MLYCD: variants seen among roughly 807,000 people sequenced by gnomAD.
MLYCD encodes the protein malonyl-CoA decarboxylase, mitochondrial.
In MLYCD, 27 loss-of-function variants were observed where a neutral mutation model predicts 35.8. The observed-to-expected ratio is 0.75, with a 90% CI of 0.56 to 1.04. MLYCD has a LOEUF of 1.04. Among genes scored for constraint, MLYCD ranks in the 50% least tolerant of loss-of-function variants. The probability of loss-of-function intolerance (pLI) is 0.00; values close to 1 mark genes in which losing one functional copy is unlikely to be tolerated. For missense variants in MLYCD, 917 were observed against 665.1 expected (o/e 1.38, Z -4.17); for synonymous variants, 403 against 302.4 (o/e 1.33, Z -3.45).
Position 83,899,207 on chromosome 16 carries a change from GC to G in MLYCD, c.65del (p.Pro22ArgfsTer51). On this transcript the variant is annotated frameshift_variant, in exon 1 of 5. Transcript: ENST00000262430. LOFTEE classifies it high-confidence loss of function. ...RLLPLRLPPR[P>X]PGPRLASGQA... is the part of the protein sequence containing the mutation. ...TCCTCCCGCTGCGGTTGCCCCCGCG[GC>G]CGCCCGGGCCCCGGCTGGCGAGCGG... is the stretch of plus-strand genomic sequence containing the variant. The G allele has an allele frequency of 8.4e-7, 1 of 1,189,392 alleles. No homozygotes were observed. The highest frequency in any genetic ancestry group is 1.0e-6 in the Non-Finnish European group (1 of 964,628). The allele number at this position is 1,189,392 out of a possible 1,614,324, so 73.7% of individuals were successfully genotyped here.
chr16:83,912,936 C>T lies in MLYCD; in HGVS notation c.948+569C>T, dbSNP rs55782355. ...GCTGCCCTGTGAAAAACATATTAAC[C>T]ATCCTACATCAGAAATGTTGATGTT... On this transcript the variant is annotated intron_variant, in intron 4 of 4. Transcript: ENST00000262430. The T allele has an allele frequency of 9.2e-3, 1,625 of 176,930 alleles. 8 individuals are homozygous for T. The highest frequency in any genetic ancestry group is 0.016 in the Non-Finnish European group (1,296 of 81,290). 11.0% of individuals were successfully genotyped at this position (176,930 alleles called of 1,614,324 possible). A position where few individuals can be genotyped will look rare whatever the true frequency, so the allele number is the denominator to read the frequency against.
intron 1 of MLYCD, among the ~76,000 whole-genome samples, chr16:83,901,981 T>C (rs1008500526): frequency 2.0e-5 from 3 of 151,982 alleles, no homozygotes; most frequent in Admixed American, 6.6e-5. Context: ...TGTGATTGCT[T>C]TATTGTGCCC....
At chr16:83,901,557 G>C (rs1375641502) in intron 1 of MLYCD, among the ~76,000 whole-genome samples, 1 of 152,162 alleles carries the variant, frequency 6.6e-6, no homozygotes, top group Non-Finnish European at 1.5e-5. Flanking sequence ...CAGACATTTG[G>C]ACAGCTTTGT....
At chr16:83,900,705 T>C (rs1906755436) in intron 1 of MLYCD, among the ~76,000 whole-genome samples, 1 of 149,266 alleles carries the variant, frequency 6.7e-6, no homozygotes, top group African/African-American at 2.5e-5. Context: ...CATTCAGAAG[T>C]TTGTTATGTG....
chr16:83,915,427 A>T lies in MLYCD; in HGVS notation c.1420A>T (p.Ile474Phe). The change falls in exon 5 of 5, where the codon ATC becomes TTC. Residue 474 changes from isoleucine (I) to phenylalanine (F), a missense_variant. Transcript: ENST00000262430. ...CACCTCCTACCTCGGCTCCAAGATC[A>T]TCAAAGCCTCTGAGCAGGTCCTCAG... ...NSTSYLGSKI[I>F]KASEQVLSLV... 1 of 1,613,700 alleles carries T rather than the reference A, an allele frequency of 6.2e-7. No homozygotes were observed. The highest frequency in any genetic ancestry group is 8.5e-7 in the Non-Finnish European group (1 of 1,180,038).
In MLYCD at chr16:83,899,198, G is replaced by GC; in HGVS notation, c.59dup (p.Arg21AlafsTer187). On this transcript the variant is annotated frameshift_variant, in exon 1 of 5. Transcript: ENST00000262430. LOFTEE classifies it high-confidence loss of function. Reference sequence around the variant, plus strand: ...CCAGGCGTCTCCTCCCGCTGCGGTTGCCCCCGCGGCCGCCCGGGCCCCGGC... The same window carrying GC: ...CCAGGCGTCTCCTCCCGCTGCGGTTGCCCCCCGCGGCCGCCCGGGCCCCGGC... The GC allele has an allele frequency of 4.2e-6, 5 of 1,176,898 alleles. No homozygotes were observed. Among genetic ancestry groups the GC allele is most frequent in the South Asian group, 3.5e-5 (1 of 28,656 alleles). The allele number at this position is 1,176,898 out of a possible 1,614,324, so 72.9% of individuals were successfully genotyped here.
chr16:83,902,262 T>C (rs1394430079), intron 1 of MLYCD, among the ~76,000 whole-genome samples: 1 of 149,920 alleles, frequency 6.7e-6, no homozygotes, highest in African/African-American at 2.4e-5. Flanking sequence ...TTTTTTCTTG[T>C]TACGTTTCCC....
chr16:83,903,604 G>C (rs1407695915), intron 1 of MLYCD, among the ~76,000 whole-genome samples: 7 of 152,200 alleles, frequency 4.6e-5, no homozygotes, highest in Non-Finnish European at 1.0e-4. Flanking sequence ...AAAAGGAAAA[G>C]TGGGCTGGTC....
chr16:83,912,132 A>G, intron 3 of MLYCD, 86 bp from the exon 4 acceptor site: 2 of 1,579,936 alleles, frequency 1.3e-6, no homozygotes, highest in Non-Finnish European at 1.7e-6. Context: ...TGCTCTGAGA[A>G]TTGTCTTCTC....
chr16:83,911,934 G>C (rs999730860), intron 3 of MLYCD: 29 of 441,306 alleles, frequency 6.6e-5, no homozygotes, highest in Non-Finnish European at 1.2e-4. Context: ...GCCTAAAAGA[G>C]ACAGAAAGGG....
chr16:83,901,700 C>A lies in MLYCD; in HGVS notation c.528+2028C>A, dbSNP rs371457338. Among the ~76,000 whole-genome samples the A allele has an allele frequency of 5.6e-4, 85 of 152,302 alleles. 1 individual carries two copies. The South Asian group carries it at 0.014, about 26-fold the overall frequency. ...CGCGTCATTGGGAAGGAACACGTTG[C>A]ATGGCAACTGAAGACACTCACATCC... On this transcript the variant is annotated intron_variant, in intron 1 of 4. Coordinates refer to ENST00000262430, the MANE Select transcript of MLYCD (RefSeq NM_012213.3).
intron 1 of MLYCD, among the ~76,000 whole-genome samples, chr16:83,901,574 T>C (rs1906787409): frequency 6.6e-6 from 1 of 152,218 alleles, no homozygotes; most frequent in Non-Finnish European, 1.5e-5. Flanking sequence ...TTGTCCCTCA[T>C]TGATTTCTCA....
Position 83,899,257 on chromosome 16 carries a change from G to A in MLYCD, c.113G>A (p.Arg38Gln). Reference sequence around the variant, plus strand: ...GGGCAGGCGGCCGGCGCCCTGGAGCGGGCCATGGACGAGCTGCTGCGCCGC... The same window carrying A: ...GGGCAGGCGGCCGGCGCCCTGGAGCAGGCCATGGACGAGCTGCTGCGCCGC... The part of the protein sequence containing the change: ...ASGQAAGALE[R>Q]AMDELLRRAV... Residue 38 changes from arginine to glutamine, a missense_variant, in exon 1 of 5, where the codon CGG (arginine) becomes CAG (glutamine). Coordinates refer to ENST00000262430, the MANE Select transcript of MLYCD (RefSeq NM_012213.3). The A allele has an allele frequency of 7.5e-7, 1 of 1,335,984 alleles. No homozygotes were observed. Among genetic ancestry groups the A allele is most frequent in the East Asian group, 3.2e-5 (1 of 31,482 alleles). 82.8% of individuals were successfully genotyped at this position (1,335,984 alleles called of 1,614,324 possible).
In MLYCD at chr16:83,920,173, A is replaced by C. The variant is rs911959718; in HGVS notation, c.*4684A>C. The C allele has an allele frequency of 1.3e-5, 2 of 152,190 alleles. No homozygotes were observed. The allele number at this position is 152,190 out of a possible 1,614,324, so 9.4% of individuals were successfully genotyped here. On this transcript the variant is annotated 3_prime_UTR_variant, in exon 5 of 5. Transcript: ENST00000262430. ...TGCACAGAACACACACCCTGTGCAC[A>C]GTTTTGTTTTGTTTTGCTTTTGCAA... is the stretch of plus-strand genomic sequence containing the variant.
At chr16:83,909,063 C>G (rs893119103) in intron 3 of MLYCD, among the ~76,000 whole-genome samples, 3 of 152,092 alleles carry the variant, frequency 2.0e-5, no homozygotes, top group African/African-American at 7.2e-5. Flanking sequence ...AGCAGACATT[C>G]CTGATCACCA....
Position 83,902,983 on chromosome 16 carries a change from G to C in MLYCD, c.528+3311G>C, listed in dbSNP as rs1906851761. On this transcript the variant is annotated intron_variant, in intron 1 of 4. Transcript: ENST00000262430. ...GTGTCTGGGGGATGGTGGTTTATAG[G>C]CTTTTTGTTTTTCTCCAGAGGCCCA... 2.0e-5 allele frequency among the ~76,000 whole-genome samples: 3 copies of C among 152,178 alleles called. No individual in the cohort carries two copies. The South Asian group carries it at 6.2e-4, about 32-fold the overall frequency.
Position 83,915,722 on chromosome 16 carries a change from C to G in MLYCD, c.*233C>G. Reference sequence around the variant, plus strand: ...CGGGTGCACACAAATGAGTGGGTTGCTGTGCTGTCTCCGGAAGATTCTGTC... The same window carrying G: ...CGGGTGCACACAAATGAGTGGGTTGGTGTGCTGTCTCCGGAAGATTCTGTC... On this transcript the variant is annotated 3_prime_UTR_variant, in exon 5 of 5. Transcript: ENST00000262430. 1 of 1,411,620 alleles carries G rather than the reference C, an allele frequency of 7.1e-7. No homozygotes were observed. The allele number at this position is 1,411,620 out of a possible 1,614,324, so 87.4% of individuals were successfully genotyped here.
At chr16:83,908,892 AG>A (rs1306590845) in intron 3 of MLYCD, among the ~76,000 whole-genome samples, 1 of 152,180 alleles carries the variant, frequency 6.6e-6, no homozygotes, top group Non-Finnish European at 1.5e-5. Context: ...TGCTAAAGAT[AG>A]GTGGCAGGGA....
chr16:83,909,620 G>GTTTTTTTTTTTTTT, intron 3 of MLYCD, among the ~76,000 whole-genome samples: 1 of 130,818 alleles, frequency 7.6e-6, no homozygotes, highest in Non-Finnish European at 1.7e-5. Flanking sequence ...GTGGTGTTGT[G>GTTTTTTTTTTTTTT]TTTTTTTTTT....
Sources: allele counts gnomAD v4.1 joint callset (sites outside exome capture counted in the v4.1 genomes callset), GRCh38; gene constraint gnomAD v4.1.1; transcripts MANE v1.5; gene names NCBI Gene and HGNC (gene_info 2026-07-23, HGNC 2026-07-21).